The following HMCN1 variants were observed in gnomAD, a reference collection of about 807,000 sequenced individuals.
HMCN1 encodes hemicentin 1.
In HMCN1, 321 loss-of-function variants were observed where a neutral mutation model predicts 625.9. The ratio of observed to expected loss-of-function variants is 0.51; its 90% CI spans 0.47 to 0.56. HMCN1 has a LOEUF of 0.56. Among genes scored for constraint, HMCN1 ranks in the 20% least tolerant of loss-of-function variants. The probability of loss-of-function intolerance (pLI) is 0.00; values close to 1 mark genes in which losing one functional copy is unlikely to be tolerated. For synonymous variants in HMCN1, 2,425 were observed against 2,417.6 expected, an observed-to-expected ratio of 1.00 and a Z score of -0.09; for missense variants, 6,588 against 6,887.3, an observed-to-expected ratio of 0.96 and a Z score of 1.54.
intron 65 of HMCN1, 48 bp downstream of exon 65, chr1:186,093,306 T>C (rs764063288): frequency 6.2e-7 from 1 of 1,611,240 alleles, no homozygotes; most frequent in Admixed American, 1.7e-5. Context: ...CTTAAGAATC[T>C]ACCAGTAGAA....
At chr1:185,987,622 G>A in intron 20 of HMCN1, 78 bp downstream of exon 20, 1 of 953,938 alleles carries the variant, frequency 1.0e-6, no homozygotes, top group Non-Finnish European at 1.7e-6. Flanking sequence ...GTCTTGAGCA[G>A]GAGGCTCAGG....
At chr1:185,855,535 G>T (rs1270265038) in intron 2 of HMCN1, among the ~76,000 whole-genome samples, 1 of 151,996 alleles carries the variant, frequency 6.6e-6, no homozygotes, top group Admixed American at 6.5e-5. Context: ...TAATGTATTA[G>T]GCACAACATT....
At chr1:186,098,618 A>G (rs1660247884) in intron 68 of HMCN1, among the ~76,000 whole-genome samples, 1 of 152,062 alleles carries the variant, frequency 6.6e-6, no homozygotes, top group Non-Finnish European at 1.5e-5. Flanking sequence ...AGCCATTATG[A>G]AAACAGAGGT....
At chr1:186,057,863 AAG>A (rs1009513054) in intron 46 of HMCN1, among the ~76,000 whole-genome samples, 6 of 152,036 alleles carry the variant, frequency 3.9e-5, no homozygotes, top group African/African-American at 1.2e-4. Flanking sequence ...CTTTATTTTC[AAG>A]AGATATTGAT....
At chr1:185,771,733 G>T (rs1656255354) in intron 1 of HMCN1, among the ~76,000 whole-genome samples, 1 of 152,092 alleles carries the variant, frequency 6.6e-6, no homozygotes, top group Non-Finnish European at 1.5e-5. Flanking sequence ...CATTTCAAGA[G>T]TACCACACCT....
chr1:185,989,241 C>T (rs928941075), intron 20 of HMCN1, among the ~76,000 whole-genome samples: 24 of 151,950 alleles, frequency 1.6e-4, no homozygotes, highest in African/African-American at 5.1e-4. Flanking sequence ...GTGATCTGCC[C>T]GCCTTGGCCT....
intron 1 of HMCN1, among the ~76,000 whole-genome samples, chr1:185,736,982 G>T (rs1456402503): frequency 6.6e-6 from 1 of 152,006 alleles, no homozygotes; most frequent in African/African-American, 2.4e-5. Flanking sequence ...GTTATCTAAA[G>T]CTATTTAAAA....
At chr1:186,151,061 A>G (rs61831317) in intron 93 of HMCN1, 139 bp from the exon 94 acceptor site, 64 of 765,806 alleles carry the variant, frequency 8.4e-5, no homozygotes, top group Non-Finnish European at 1.3e-4. Context: ...TTATTTCACT[A>G]TTAAATTCAG....
chr1:185,989,527 G>C lies in HMCN1; in HGVS notation c.3088G>C (p.Ala1030Pro). The C allele has an allele frequency of 6.2e-7, 1 of 1,614,094 alleles. No homozygotes were observed. The highest frequency in any genetic ancestry group is 1.3e-5 in the African/African-American group (1 of 75,054). Residue 1030 changes from alanine to proline, a missense_variant, in exon 21 of 107, where the codon GCA (alanine) becomes CCA (proline). Around this residue, in one of 3 missense-constraint regions of HMCN1, gnomAD observed 4,628 missense variants for 4,853.1 expected, o/e 0.95. Transcript: ENST00000271588. ...TTCAACCAGCAGTGCTAAGTTTTCA[G>C]CAGGAGCTGATGGTAGTCTGTATGT... ...LISTSSAKFSAGADGSLYVVS... is the reference protein window; with the variant it reads ...LISTSSAKFSPGADGSLYVVS...
chr1:186,088,231 A>G lies in HMCN1; in HGVS notation c.9532A>G (p.Ile3178Val). 1 of 1,612,978 alleles carries G rather than the reference A, an allele frequency of 6.2e-7. No individual in the cohort carries two copies. The highest frequency in any genetic ancestry group is 1.3e-5 in the African/African-American group (1 of 74,974). ...GACATTAACATGTGATGCCACTGGG[A>G]TCCCACCTCCCACGATAGCATGGTT... ...PVTLTCDATG[I>V]PPPTIAWLKN... is the part of the protein sequence containing the mutation. Residue 3178 changes from isoleucine to valine, a missense_variant, in exon 62 of 107, where the codon ATC becomes GTC. Physicochemically the swap from Ile to Val is conservative, Grantham distance 29. Coordinates refer to ENST00000271588, the MANE Select transcript of HMCN1 (RefSeq NM_031935.3).
intron 4 of HMCN1, among the ~76,000 whole-genome samples, chr1:185,898,901 C>T (rs1234421054): frequency 2.0e-5 from 3 of 148,816 alleles, no homozygotes; most frequent in African/African-American, 7.7e-5. Context: ...AAAAAAAAAT[C>T]AGACATTGAT....
chr1:185,796,259 G>A (rs1658366657), intron 1 of HMCN1, among the ~76,000 whole-genome samples: 1 of 152,142 alleles, frequency 6.6e-6, no homozygotes, highest in African/African-American at 2.4e-5. Flanking sequence ...GCTCCTAGGA[G>A]AATCTAATTC....
intron 4 of HMCN1, among the ~76,000 whole-genome samples, chr1:185,867,334 G>C (rs892019008): frequency 6.6e-6 from 1 of 152,132 alleles, no homozygotes; most frequent in South Asian, 2.1e-4. Flanking sequence ...TTGGGAACCT[G>C]GGAAGAAAGG....
chr1:185,785,587 C>G (rs1024849947), intron 1 of HMCN1, among the ~76,000 whole-genome samples: 2 of 152,188 alleles, frequency 1.3e-5, no homozygotes, highest in African/African-American at 4.8e-5. Flanking sequence ...GCATCCTTCT[C>G]TTCACCCATG....
chr1:186,056,704 A>G (rs1323471888), intron 45 of HMCN1, among the ~76,000 whole-genome samples: 2 of 151,908 alleles, frequency 1.3e-5, no homozygotes, highest in African/African-American at 4.8e-5. Flanking sequence ...TGGGTACTCA[A>G]AGACATAAAG....
chr1:186,150,561 T>TA (rs1335982062), intron 93 of HMCN1, among the ~76,000 whole-genome samples: 2 of 152,194 alleles, frequency 1.3e-5, no homozygotes, highest in East Asian at 3.8e-4. Flanking sequence ...ACCCTCACTC[T>TA]AAAACCCAAG....
rs772093006 is a variant in HMCN1, at chr1:185,923,412, CAATACT to C, written c.1045_1050del (p.Asn349_Thr350del). 1 of 1,610,624 alleles carries C rather than the reference CAATACT, an allele frequency of 6.2e-7. No homozygotes were observed. Among genetic ancestry groups the C allele is most frequent in the South Asian group, 1.1e-5 (1 of 90,990 alleles). On this transcript the variant is annotated inframe_deletion, in exon 8 of 107. Transcript: ENST00000271588. ...TAGGAATACCTACCTATGTACTGCT[CAATACT>C]TCTGGAATTTCCACTCCAGCTAGAA...
chr1:185,990,479 CAT>C (rs1166404953), intron 22 of HMCN1, 36 bp downstream of exon 22: 1 of 1,577,382 alleles, frequency 6.3e-7, no homozygotes, highest in Non-Finnish European at 8.7e-7. Flanking sequence ...CACATGAAAA[CAT>C]AATCAACCTC....
Position 185,734,828 on chromosome 1 carries a change from T to A in HMCN1, c.49T>A (p.Tyr17Asn), listed in dbSNP as rs1410755595. Reference protein sequence around the residue: ...VHTVFLFALLYSSLAQDASPQ... With the variant: ...VHTVFLFALLNSSLAQDASPQ... Reference sequence around the variant, plus strand: ...TACAGTATTCCTGTTTGCTCTTCTTTATTCTTCCCTAGCTCAAGATGCGAG... The same window carrying A: ...TACAGTATTCCTGTTTGCTCTTCTTAATTCTTCCCTAGCTCAAGATGCGAG... Residue 17 changes from tyrosine (Y) to asparagine (N), a missense_variant, in exon 1 of 107, where the codon TAT becomes AAT. By Grantham distance (143) the Tyr-to-Asn change is moderately radical. Transcript: ENST00000271588. 4 of 1,614,068 alleles carry A rather than the reference T, an allele frequency of 2.5e-6. No individual in the cohort carries two copies. In the South Asian group the frequency reaches 4.4e-5, roughly 18 times the overall value.
Sources: gnomAD v4.1 joint callset for allele counts (sites outside exome capture counted in the v4.1 genomes callset) on GRCh38, gnomAD v4.1.1 for gene constraint, gnomAD v4.1.1 regional missense constraint, MANE v1.5 for transcripts, NCBI Gene and HGNC (gene_info 2026-07-23, HGNC 2026-07-21) for gene names.